Variants in TSPEAR observed in about 807,000 individuals in gnomAD.
TSPEAR encodes the protein thrombospondin type laminin G domain and EAR repeats, also known as thrombospondin-type laminin G domain and EAR repeat-containing protein.
Under a neutral mutation model 71.6 loss-of-function variants are expected in TSPEAR, and 69 were observed. The ratio of observed to expected loss-of-function variants is 0.96; its 90% CI spans 0.79 to 1.18. TSPEAR has a LOEUF of 1.18. Among genes scored for constraint, TSPEAR ranks in the 50% most tolerant of loss-of-function variants. The probability of loss-of-function intolerance (pLI) is 0.00; values close to 1 mark genes in which losing one functional copy is unlikely to be tolerated. For synonymous variants in TSPEAR, 402 were observed against 387.2 expected (o/e 1.04, Z -0.45); for missense variants, 971 against 894.9 (o/e 1.09, Z -1.09).
chr21:44,503,232 C>T (rs1555911376), intron 11 of TSPEAR, among the ~76,000 whole-genome samples: 1 of 126,720 alleles, frequency 7.9e-6, no homozygotes, highest in Non-Finnish European at 1.6e-5. Flanking sequence ...GGAGGCCGGC[C>T]TTGGTGAGCC....
At chr21:44,580,418 G>A (rs782133350) in intron 1 of TSPEAR, 23 of 1,612,852 alleles carry the variant, frequency 1.4e-5, no homozygotes, top group South Asian at 5.5e-5. Context: ...CTCACAGGCC[G>A]CCTGGCAGCA....
At chr21:44,638,416 C>G in intron 1 of TSPEAR, 5 of 403,500 alleles carry the variant, frequency 1.2e-5, no homozygotes. Context: ...TGGGCAGCAC[C>G]CCCTCTAGTT....
intron 1 of TSPEAR, among the ~76,000 whole-genome samples, chr21:44,617,386 C>T (rs935899583): frequency 6.6e-5 from 10 of 152,252 alleles, no homozygotes; most frequent in East Asian, 1.9e-4. Flanking sequence ...AACAGACACA[C>T]GGCCTCTGGA....
At chr21:44,678,813 G>C (rs752558686) in intron 1 of TSPEAR, among the ~76,000 whole-genome samples, 36 of 152,288 alleles carry the variant, frequency 2.4e-4, no homozygotes, top group Non-Finnish European at 5.0e-4. Flanking sequence ...AAAATCAGTA[G>C]TGTTTCGATA....
At chr21:44,700,214 G>A (rs1000516924) in intron 1 of TSPEAR, among the ~76,000 whole-genome samples, 9 of 152,346 alleles carry the variant, frequency 5.9e-5, no homozygotes, top group Non-Finnish European at 1.2e-4. Context: ...GACTTCAGGC[G>A]ACACTCTGCC....
rs920967139 is a variant in TSPEAR at position 44,558,690 on chromosome 21, C to A, written c.303+9095G>T. 3 of 1,611,114 alleles carry A rather than the reference C, an allele frequency of 1.9e-6. No individual in the cohort carries two copies. In the African/African-American group the frequency reaches 4.0e-5, roughly 22 times the overall value. ...CCAGGAGTCAGAGTAAGCGCTGGAG[C>A]AGACGGACATGGTAGACGTGGCCAT... is the stretch of plus-strand genomic sequence containing the variant. On this transcript the variant is annotated intron_variant, in intron 2 of 11. Transcript: ENST00000323084.
At chr21:44,685,395 A>G (rs1376512580) in intron 1 of TSPEAR, among the ~76,000 whole-genome samples, 8 of 152,106 alleles carry the variant, frequency 5.3e-5, no homozygotes, top group South Asian at 2.1e-4. Context: ...GTTCAGGGGC[A>G]TCCTGGAATT....
chr21:44,650,493 G>C (rs587606903), intron 1 of TSPEAR, among the ~76,000 whole-genome samples: 113 of 152,386 alleles, frequency 7.4e-4, no homozygotes, highest in Admixed American at 2.2e-3. Flanking sequence ...GCAGAGATTG[G>C]GCAATGCCCC....
chr21:44,582,588 TCTC>T lies in TSPEAR; in HGVS notation c.83-14586_83-14584del, dbSNP rs150099886. 5.2e-3 allele frequency among the ~76,000 whole-genome samples: 791 copies of T among 152,288 alleles called. 3 individuals are homozygous for T. The highest frequency in any genetic ancestry group is 0.018 in the African/African-American group (741 of 41,550). On this transcript the variant is annotated intron_variant, in intron 1 of 11. Coordinates refer to ENST00000323084, the MANE Select transcript of TSPEAR (RefSeq NM_144991.3). ...TGATCCACGCCCTCTGTCGCTCCCT[TCTC>T]CTGGTGTCTGGACCACCCATCACTG...
intron 1 of TSPEAR, among the ~76,000 whole-genome samples, chr21:44,689,231 G>A (rs1238255396): frequency 2.0e-5 from 3 of 152,180 alleles, no homozygotes; most frequent in Non-Finnish European, 2.9e-5. Context: ...GGCCGGGCAC[G>A]GTGGCTCACG....
chr21:44,598,180 A>G (rs1555927867), intron 1 of TSPEAR, among the ~76,000 whole-genome samples: 3 of 152,160 alleles, frequency 2.0e-5, no homozygotes, highest in Non-Finnish European at 4.4e-5. Context: ...TGTATTTAGG[A>G]AAAGACTGGC....
Position 44,659,057 on chromosome 21 carries a change from C to T in TSPEAR, c.82+52376G>A, listed in dbSNP as rs782066031. Among the ~76,000 whole-genome samples the T allele has an allele frequency of 2.6e-5, 4 of 152,322 alleles. 1 individual carries two copies. The highest frequency in any genetic ancestry group is 9.6e-5 in the African/African-American group (4 of 41,562). On this transcript the variant is annotated intron_variant, in intron 1 of 11. Transcript: ENST00000323084. ...GCAGGAAGTCGAAGAAAGTCTCATT[C>T]TCCAAGTCCCACATGCAAAGGGCCT... is the stretch of plus-strand genomic sequence containing the variant.
intron 1 of TSPEAR, among the ~76,000 whole-genome samples, chr21:44,634,372 A>G (rs1983423408): frequency 6.6e-6 from 1 of 152,384 alleles, no homozygotes; most frequent in East Asian, 1.9e-4. Flanking sequence ...AGATAAAGCC[A>G]TAAAATTCTT....
intron 8 of TSPEAR, among the ~76,000 whole-genome samples, chr21:44,524,222 G>GTCAGTCAGTCAGTGAGGTAGTCCA (rs1406909954): frequency 7.0e-6 from 1 of 143,876 alleles, no homozygotes; most frequent in Non-Finnish European, 1.5e-5. Flanking sequence ...CCATCAGTCA[G>GTCAGTCAGTCAGTGAGGTAGTCCA]TCAGTCAGTC....
intron 1 of TSPEAR, chr21:44,654,544 G>A (rs974070999): frequency 1.9e-6 from 3 of 1,611,790 alleles, no homozygotes; most frequent in Admixed American, 3.3e-5. Flanking sequence ...TGGGTAGCAG[G>A]TGCTGGGGAC....
chr21:44,691,083 C>T (rs1477995046), intron 1 of TSPEAR, among the ~76,000 whole-genome samples: 1 of 151,796 alleles, frequency 6.6e-6, no homozygotes, highest in Non-Finnish European at 1.5e-5. Context: ...TCTCCCCTCG[C>T]CTCCTCTCCC....
At position 44,670,265 on chromosome 21, in the gene TSPEAR, T is replaced by C. The variant is rs184345110; in HGVS notation, c.82+41168A>G. Among the ~76,000 whole-genome samples the C allele has an allele frequency of 4.9e-3, 747 of 152,218 alleles. 24 individuals are homozygous for C. Among genetic ancestry groups the C allele is most frequent in the Admixed American group, 0.043 (654 of 15,280 alleles). On this transcript the variant is annotated intron_variant, in intron 1 of 11. Transcript: ENST00000323084. ...GTTCATGGTTCATAGGTGGGGGGGT[T>C]GTTATAATCATTAATAATTGATCAA...
intron 1 of TSPEAR, among the ~76,000 whole-genome samples, chr21:44,572,314 T>G (rs587671230): frequency 6.6e-6 from 1 of 152,308 alleles, no homozygotes; most frequent in East Asian, 1.9e-4. Flanking sequence ...TTGGTGCAGC[T>G]GCCTAAAGAC....
chr21:44,510,894 GC>G (rs2052351611), intron 9 of TSPEAR: 1 of 152,340 alleles, frequency 6.6e-6, no homozygotes, highest in South Asian at 2.1e-4. Context: ...GGGGCCGGGG[GC>G]TGGCTGAGGC....
Sources: allele counts gnomAD v4.1 joint callset (sites outside exome capture counted in the v4.1 genomes callset), GRCh38; gene constraint gnomAD v4.1.1; transcripts MANE v1.5; gene names NCBI Gene and HGNC (gene_info 2026-07-23, HGNC 2026-07-21).